The following RNF4 variants were observed in gnomAD, a reference collection of about 807,000 sequenced individuals.
The protein encoded by RNF4 is ring finger protein 4.
Under a neutral mutation model 24.3 loss-of-function variants are expected in RNF4, and 7 were observed. The ratio of observed to expected loss-of-function variants is 0.29; its 90% CI spans 0.16 to 0.54. The LOEUF (loss-of-function observed/expected upper bound fraction) is 0.54, where lower values mean the gene tolerates loss of function less well. Ranked by LOEUF, RNF4 falls within the 20% of genes least tolerant of loss-of-function variation. RNF4 has a pLI of 0.95. For synonymous variants in RNF4, 83 were observed against 84.3 expected (o/e 0.98, Z 0.09); for missense variants, 209 against 248.5 (o/e 0.84, Z 1.07).
chr4:2,477,565 A>G (rs974535507), intron 1 of RNF4, among the ~76,000 whole-genome samples: 1 of 152,144 alleles, frequency 6.6e-6, no homozygotes, highest in Admixed American at 6.5e-5. Flanking sequence ...AGCTTGGACA[A>G]CAGAGTAGAC....
At chr4:2,475,311 G>T (rs566137400) in intron 1 of RNF4, among the ~76,000 whole-genome samples, 1 of 151,550 alleles carries the variant, frequency 6.6e-6, no homozygotes, top group African/African-American at 2.4e-5. Context: ...GGCTACAGGC[G>T]CACGCCACCG....
chr4:2,474,249 G>A (rs914958720), intron 1 of RNF4, among the ~76,000 whole-genome samples: 1 of 150,100 alleles, frequency 6.7e-6, no homozygotes, highest in African/African-American at 2.5e-5. Flanking sequence ...GTGGTGGCAC[G>A]CACCTGTAAT....
intron 1 of RNF4, among the ~76,000 whole-genome samples, chr4:2,487,211 A>G (rs1286562706): frequency 1.3e-5 from 2 of 152,220 alleles, no homozygotes; most frequent in East Asian, 3.9e-4. Flanking sequence ...GGCTCAGGTG[A>G]TCCTCCTGTC....
At chr4:2,507,203 A>AGAGG (rs924616863) in intron 4 of RNF4, among the ~76,000 whole-genome samples, 1 of 141,392 alleles carries the variant, frequency 7.1e-6, no homozygotes, top group Non-Finnish European at 1.6e-5. Context: ...GAAGGAAGGA[A>AGAGG]GAGGGAGGGA....
chr4:2,484,912 A>T (rs959055766), intron 1 of RNF4, among the ~76,000 whole-genome samples: 1 of 151,990 alleles, frequency 6.6e-6, no homozygotes, highest in African/African-American at 2.4e-5. Context: ...TGGTCTCTAA[A>T]TGCAGATCTC....
chr4:2,490,440 C>T lies in RNF4; in HGVS notation c.-54C>T. ...GAGAACATTTGACTTCCCTGCAAACCTTGGTATAGATCACTTCCTTTTCTG... is the reference window on the plus strand; with the variant it reads ...GAGAACATTTGACTTCCCTGCAAACTTTGGTATAGATCACTTCCTTTTCTG... On this transcript the variant is annotated 5_prime_UTR_variant, in exon 2 of 8. Transcript: ENST00000314289. 1 of 1,601,118 alleles carries T rather than the reference C, an allele frequency of 6.2e-7. No individual in the cohort carries two copies. The highest frequency in any genetic ancestry group is 1.7e-5 in the Admixed American group (1 of 58,938).
Position 2,497,116 on chromosome 4 carries a change from A to C in RNF4, c.119A>C (p.Glu40Ala), listed in dbSNP as rs1735761230. The C allele has an allele frequency of 6.2e-7, 1 of 1,604,110 alleles. No homozygotes were observed. The highest frequency in any genetic ancestry group is 1.7e-4 in the Middle Eastern group (1 of 6,058). ...SLEAEPIELV[E>A]TAGDEIVDLT... ...GAAGCAGAACCCATAGAACTCGTGGAAACTGGTAAGATTGCCAGGGACACT... is the reference window on the plus strand; with the variant it reads ...GAAGCAGAACCCATAGAACTCGTGGCAACTGGTAAGATTGCCAGGGACACT... The change falls in exon 3 of 8, where the codon GAA becomes GCA. Residue 40 changes from glutamate (E) to alanine (A), a missense_variant. By Grantham distance (107) the Glu-to-Ala change is moderately radical. Transcript: ENST00000314289.
rs192171257 is a variant in RNF4, at chr4:2,489,408, C to A, written c.-157-929C>A. Reference sequence around the variant, plus strand: ...TCCTGTCGTTTCCGCCACCTGGATCCCTCTCACCTGTGTCTGTTTTGCAAC... The same window carrying A: ...TCCTGTCGTTTCCGCCACCTGGATCACTCTCACCTGTGTCTGTTTTGCAAC... On this transcript the variant is annotated intron_variant, in intron 1 of 7. Transcript: ENST00000314289. 3.2e-4 allele frequency among the ~76,000 whole-genome samples: 48 copies of A among 152,262 alleles called. No homozygotes were observed. The Middle Eastern group carries it at 0.017, about 54-fold the overall frequency.
chr4:2,481,376 T>G (rs1342823818), intron 1 of RNF4, among the ~76,000 whole-genome samples: 1 of 152,200 alleles, frequency 6.6e-6, no homozygotes, highest in Non-Finnish European at 1.5e-5. Flanking sequence ...CATAGCAAGA[T>G]GCTTTTTTAT....
In RNF4 at chr4:2,512,391, G is replaced by A. The variant is rs1397425803; in HGVS notation, c.215-47G>A. ...CGTCAGGATGGGAGTGGTGAGGATG[G>A]TAAGAGTAGAGAGCCTCCAACCTGA... is the stretch of plus-strand genomic sequence containing the variant. On this transcript the variant is annotated intron_variant, in intron 5 of 7. Coordinates refer to ENST00000314289, the MANE Select transcript of RNF4 (RefSeq NM_002938.5). This position sits in a 1 kb window ranked among gnomAD's most constrained non-coding sequence, Gnocchi z 4.1. 6.4e-7 allele frequency: 1 copy of A among 1,568,306 alleles called. No individual in the cohort carries two copies. Among genetic ancestry groups the A allele is most frequent in the East Asian group, 2.4e-5 (1 of 42,304 alleles).
intron 1 of RNF4, among the ~76,000 whole-genome samples, chr4:2,472,057 T>C (rs1578493692): frequency 6.6e-6 from 1 of 152,358 alleles, no homozygotes; most frequent in East Asian, 1.9e-4. Flanking sequence ...TCTAGGACTT[T>C]CATAGCTAGA....
chr4:2,490,524 A>G (rs1426463673), intron 2 of RNF4, 22 bp downstream of exon 2: 2 of 1,608,038 alleles, frequency 1.2e-6, no homozygotes, highest in Admixed American at 1.7e-5. Flanking sequence ...CATCTCTTGA[A>G]TTTTTAATTT....
chr4:2,500,001 A>G (rs1735858760), intron 3 of RNF4, among the ~76,000 whole-genome samples: 1 of 152,022 alleles, frequency 6.6e-6, no homozygotes, highest in Admixed American at 6.6e-5. Flanking sequence ...CTAAAAATAC[A>G]AACAAAATTA....
intron 1 of RNF4, among the ~76,000 whole-genome samples, chr4:2,470,318 C>T (rs1184781489): frequency 6.6e-6 from 1 of 152,114 alleles, no homozygotes; most frequent in Non-Finnish European, 1.5e-5. Flanking sequence ...GTTTTGGGAC[C>T]ACTGTCAATA....
chr4:2,481,608 C>G (rs1232518849), intron 1 of RNF4, among the ~76,000 whole-genome samples: 1 of 152,178 alleles, frequency 6.6e-6, no homozygotes, highest in East Asian at 1.9e-4. Flanking sequence ...ACCTCCTCCT[C>G]CTGCTCTCTT....
At chr4:2,489,444 T>TA (rs1298197701) in intron 1 of RNF4, among the ~76,000 whole-genome samples, 1 of 152,186 alleles carries the variant, frequency 6.6e-6, no homozygotes, top group Non-Finnish European at 1.5e-5. Context: ...TCCATCTCGT[T>TA]ATGCTACTTC....
intron 2 of RNF4, 21 bp from the exon 3 acceptor site, chr4:2,496,986 T>C (rs1382146671): frequency 6.4e-7 from 1 of 1,558,888 alleles, no homozygotes; most frequent in Admixed American, 1.9e-5. Context: ...ATGTGACTCT[T>C]CTTTCCCCCT....
intron 1 of RNF4, among the ~76,000 whole-genome samples, chr4:2,489,439 C>T (rs1300569571): frequency 3.3e-5 from 5 of 152,182 alleles, no homozygotes; most frequent in Admixed American, 2.6e-4. Context: ...GCAACTCCAT[C>T]TCGTTATGCT....
intron 2 of RNF4, among the ~76,000 whole-genome samples, 179 bp from the exon 3 acceptor site, chr4:2,496,828 G>T (rs186409630): frequency 1.6e-4 from 24 of 152,230 alleles, no homozygotes; most frequent in Admixed American, 6.5e-4. Context: ...TGTTTTGGAT[G>T]GTTTCTCTCT....
Sources: allele counts gnomAD v4.1 joint callset (sites outside exome capture counted in the v4.1 genomes callset), GRCh38; gene constraint gnomAD v4.1.1; non-coding constraint Gnocchi (gnomAD v3.1); transcripts MANE v1.5; gene names NCBI Gene and HGNC (gene_info 2026-07-23, HGNC 2026-07-21).